DNAH14: variants seen among roughly 807,000 people sequenced by gnomAD.
DNAH14 encodes the protein axonemal beta dynein heavy chain 14.
Under a neutral mutation model 520.9 loss-of-function variants are expected in DNAH14, and 478 were observed. The observed-to-expected ratio is 0.92, with a 90% CI of 0.85 to 0.99. The LOEUF (loss-of-function observed/expected upper bound fraction) is 0.99. DNAH14 is among the 50% of genes least tolerant of loss of function. DNAH14 has a pLI of 0.00. For missense variants in DNAH14, 4,831 were observed against 5,234.5 expected (o/e 0.92, Z 2.38); for synonymous variants, 1,581 against 1,757.2 (o/e 0.90, Z 2.51).
At chr1:225,061,265 G>T (rs1024995089) in intron 17 of DNAH14, among the ~76,000 whole-genome samples, 2 of 152,362 alleles carry the variant, frequency 1.3e-5, no homozygotes, top group East Asian at 3.9e-4. Flanking sequence ...GTCTCAGACT[G>T]CTGTGCTAGC....
chr1:225,120,757 C>CT (rs1278781190), intron 26 of DNAH14, among the ~76,000 whole-genome samples: 1 of 152,172 alleles, frequency 6.6e-6, no homozygotes, highest in Non-Finnish European at 1.5e-5. Context: ...TAAAGAGAGA[C>CT]TTCTGTAGGC....
intron 30 of DNAH14, among the ~76,000 whole-genome samples, chr1:225,146,526 T>C (rs534869395): frequency 6.6e-6 from 1 of 152,334 alleles, no homozygotes; most frequent in African/African-American, 2.4e-5. Context: ...AGAACACTGC[T>C]GCACCTGGCC....
At chr1:225,264,571 T>A (rs112757358) in intron 47 of DNAH14, among the ~76,000 whole-genome samples, 2 of 152,106 alleles carry the variant, frequency 1.3e-5, no homozygotes, top group Non-Finnish European at 2.9e-5. Context: ...ATTCTACTGT[T>A]TGATGCTTTT....
At chr1:225,390,682 G>A (rs1027087045) in intron 83 of DNAH14, among the ~76,000 whole-genome samples, 4 of 152,182 alleles carry the variant, frequency 2.6e-5, no homozygotes, top group East Asian at 1.9e-4. Flanking sequence ...ATCCAGGTGC[G>A]GACAGGGGAA....
chr1:225,343,984 T>G (rs964585978), intron 69 of DNAH14, among the ~76,000 whole-genome samples: 2 of 152,330 alleles, frequency 1.3e-5, no homozygotes, highest in Middle Eastern at 6.8e-3. Context: ...TTTGATGAGA[T>G]AAGTGAAAAG....
chr1:225,056,075 G>A (rs938102247), intron 17 of DNAH14, among the ~76,000 whole-genome samples: 11 of 151,770 alleles, frequency 7.2e-5, no homozygotes, highest in African/African-American at 2.2e-4. Flanking sequence ...TGGGTCAAAC[G>A]GTATTTCTAG....
rs1337029222 is a variant in DNAH14, at chr1:225,051,618, ATT to A, written c.2248_2249del (p.Phe750GlnfsTer5). On this transcript the variant is annotated frameshift_variant, in exon 17 of 86. Coordinates refer to ENST00000682510, the MANE Select transcript of DNAH14 (RefSeq NM_001367479.1). LOFTEE classifies it high-confidence loss of function. ...AAGAATTTGAAGCTATTCTAAATAG[ATT>A]CAGAAACTATTTTAGACATATTGTG... ...SKEFEAILNR[F>X]RNYFRHIVNM... is the part of the protein sequence containing the mutation. The A allele has an allele frequency of 6.4e-7, 1 of 1,550,802 alleles. No homozygotes were observed. Among genetic ancestry groups the A allele is most frequent in the Admixed American group, 2.0e-5 (1 of 50,984 alleles).
chr1:225,157,965 T>C (rs1055437749), intron 34 of DNAH14, among the ~76,000 whole-genome samples: 1 of 152,204 alleles, frequency 6.6e-6, no homozygotes, highest in African/African-American at 2.4e-5. Flanking sequence ...AGGAATTTTT[T>C]CAGTTGTATT....
intron 8 of DNAH14, among the ~76,000 whole-genome samples, chr1:224,996,683 G>A (rs1363422477): frequency 1.3e-5 from 2 of 152,132 alleles, no homozygotes. Context: ...GGTGGACACT[G>A]CAATTGTCTT....
intron 55 of DNAH14, among the ~76,000 whole-genome samples, chr1:225,300,654 A>G (rs1415025937): frequency 6.6e-6 from 1 of 151,958 alleles, no homozygotes; most frequent in South Asian, 2.1e-4. Context: ...GCAGTGAGCC[A>G]TGACTATGCC....
intron 38 of DNAH14, among the ~76,000 whole-genome samples, chr1:225,198,280 C>A (rs538721157): frequency 6.6e-6 from 1 of 150,980 alleles, no homozygotes; most frequent in Admixed American, 6.6e-5. Flanking sequence ...TGCAGTGGTG[C>A]GATCTTGGCT....
intron 41 of DNAH14, among the ~76,000 whole-genome samples, chr1:225,207,897 A>G (rs908403119): frequency 6.6e-6 from 1 of 152,174 alleles, no homozygotes; most frequent in African/African-American, 2.4e-5. Context: ...GGAAGAAAAT[A>G]TTTAGGTGTG....
intron 20 of DNAH14, among the ~76,000 whole-genome samples, chr1:225,084,081 G>A (rs544062821): frequency 6.6e-6 from 1 of 152,108 alleles, no homozygotes; most frequent in Non-Finnish European, 1.5e-5. Context: ...TGAATAGATA[G>A]TTTAAAAAGG....
At chr1:225,226,372 A>G (rs2090532964) in intron 41 of DNAH14, among the ~76,000 whole-genome samples, 2 of 152,204 alleles carry the variant, frequency 1.3e-5, no homozygotes, top group African/African-American at 2.4e-5. Flanking sequence ...CCCAAACACA[A>G]TTATGGCTAC....
chr1:225,273,453 C>T (rs932356241), intron 52 of DNAH14, among the ~76,000 whole-genome samples: 4 of 152,168 alleles, frequency 2.6e-5, no homozygotes, highest in Admixed American at 6.5e-5. Context: ...CAAAACAAAA[C>T]AAAATTGTTT....
rs368425578 is a variant in DNAH14 at position 225,335,895 on chromosome 1, A to ATG, written c.10081-1370_10081-1369insGT. On this transcript the variant is annotated intron_variant, in intron 66 of 85. Transcript: ENST00000682510. The stretch of plus-strand genomic sequence containing the variant: ...CACATATACATATATGTACATATAC[A>ATG]TACATATATGCATGTATGTATATAT... Among the ~76,000 whole-genome samples, 17 of 104,872 alleles carry ATG rather than the reference A, an allele frequency of 1.6e-4. 1 individual carries two copies. The highest frequency in any genetic ancestry group is 3.2e-4 in the African/African-American group (10 of 30,852). 68.8% of individuals were successfully genotyped at this position (104,872 alleles called of 152,430 possible).
chr1:225,144,143 T>A (rs1324872840), intron 28 of DNAH14, among the ~76,000 whole-genome samples: 1 of 152,208 alleles, frequency 6.6e-6, no homozygotes, highest in Non-Finnish European at 1.5e-5. Flanking sequence ...CAAAGCAGCA[T>A]GATTCAGCAA....
rs576894362 is a variant in DNAH14, at chr1:225,205,903, T to C, written c.5978-68T>C. On this transcript the variant is annotated intron_variant, in intron 39 of 85. Coordinates refer to ENST00000682510, the MANE Select transcript of DNAH14 (RefSeq NM_001367479.1). ...AATATGTCCTAAGTAAAATAGAAAA[T>C]TAGCAAGATTGTAATGAAAGATGAC... 64 of 1,324,140 alleles carry C rather than the reference T, an allele frequency of 4.8e-5. No homozygotes were observed. In the East Asian group the frequency reaches 8.6e-4, roughly 18 times the overall value. The allele number at this position is 1,324,140 out of a possible 1,614,324, so 82.0% of individuals were successfully genotyped here.
intron 41 of DNAH14, among the ~76,000 whole-genome samples, chr1:225,228,759 A>G (rs1180483006): frequency 6.6e-6 from 1 of 152,192 alleles, no homozygotes; most frequent in Admixed American, 6.5e-5. Flanking sequence ...GTACTCTTCA[A>G]TCAACAAAAC....
Sources: allele counts gnomAD v4.1 joint callset (sites outside exome capture counted in the v4.1 genomes callset), GRCh38; gene constraint gnomAD v4.1.1; transcripts MANE v1.5; gene names NCBI Gene and HGNC (gene_info 2026-07-23, HGNC 2026-07-21).